Variants in CDH15 observed in about 807,000 individuals in gnomAD.
CDH15 encodes cadherin 15.
CDH15 carries 73 observed loss-of-function variants against 69.4 expected under a neutral mutation model. That is an observed-to-expected ratio of 1.05 (90% CI 0.87 to 1.28). CDH15 has a LOEUF of 1.28. Ranked by LOEUF, CDH15 falls within the 50% of genes most tolerant of loss-of-function variation. CDH15 has a pLI of 0.00. For missense variants in CDH15, 1,343 were observed against 1,133.6 expected, an observed-to-expected ratio of 1.18 and a Z score of -2.65; for synonymous variants, 624 against 507.7, an observed-to-expected ratio of 1.23 and a Z score of -3.08.
At chr16:89,185,366 A>C in intron 5 of CDH15, 33 bp downstream of exon 5, 1 of 1,568,256 alleles carries the variant, frequency 6.4e-7, no homozygotes, top group Non-Finnish European at 8.6e-7. Context: ...CCACACCCGC[A>C]CGGCCAGGGC....
rs773978015 is a variant in CDH15 at position 89,191,413 on chromosome 16, C to G, written c.1316C>G (p.Pro439Arg). 6 of 1,612,648 alleles carry G rather than the reference C, an allele frequency of 3.7e-6. No homozygotes were observed. In the East Asian group the frequency reaches 1.3e-4, roughly 36 times the overall value. The change falls in exon 9 of 14, where the codon CCG (proline) becomes CGG (arginine). Residue 439 changes from proline (P) to arginine (R), a missense_variant. Transcript: ENST00000289746. ...GRIQTQHVLS[P>R]ASPFLKGGWY... ...ATCCAGACCCAGCACGTGCTCAGCCCGGCGTCCCCCTTCCTCAAGGGCGGC... is the reference window on the plus strand; with the variant it reads ...ATCCAGACCCAGCACGTGCTCAGCCGGGCGTCCCCCTTCCTCAAGGGCGGC...
intron 3 of CDH15, chr16:89,183,051 G>A (rs371817804): frequency 1.7e-4 from 27 of 155,062 alleles, no homozygotes; most frequent in African/African-American, 3.9e-4. Context: ...GCGTGGTGAC[G>A]TGCACCTGTA....
Position 89,190,448 on chromosome 16 carries a change from C to T in CDH15, c.1184C>T (p.Ala395Val). The T allele has an allele frequency of 6.2e-7, 1 of 1,606,170 alleles. No individual in the cohort carries two copies. Among genetic ancestry groups the T allele is most frequent in the Non-Finnish European group, 8.5e-7 (1 of 1,177,398 alleles). ...GGGGCACCCCCAGGCACTCTGGTGG[C>T]CACCTTCTCTGCCCGGGACCCTGAC... ...AEGAPPGTLV[A>V]TFSARDPDTE... The change falls in exon 8 of 14, where the codon GCC (alanine) becomes GTC (valine). Residue 395 changes from alanine to valine, a missense_variant. Physicochemically the swap from Ala to Val is moderately conservative, Grantham distance 64. Coordinates refer to ENST00000289746, the MANE Select transcript of CDH15 (RefSeq NM_004933.3).
chr16:89,184,021 C>T (rs750394764), intron 4 of CDH15, among the ~76,000 whole-genome samples: 1 of 152,172 alleles, frequency 6.6e-6, no homozygotes, highest in Non-Finnish European at 1.5e-5. Context: ...GGGTCCAGAG[C>T]ACCCACAGGC....
chr16:89,180,403 G>A, intron 3 of CDH15, 48 bp downstream of exon 3: 2 of 1,584,462 alleles, frequency 1.3e-6, no homozygotes, highest in Non-Finnish European at 1.7e-6. Flanking sequence ...AGGCCTGGTG[G>A]AAAGCCAGTG....
rs895124764 is a variant in CDH15 at position 89,192,332 on chromosome 16, C to T, written c.1743C>T (p.Arg581=). 2 of 1,536,102 alleles carry T rather than the reference C, an allele frequency of 1.3e-6. No homozygotes were observed. Among genetic ancestry groups the T allele is most frequent in the Non-Finnish European group, 1.7e-6 (2 of 1,147,540 alleles). Residue 581 remains arginine (R), a synonymous_variant, in exon 11 of 14, where the codon CGC becomes CGT. Coordinates refer to ENST00000289746, the MANE Select transcript of CDH15 (RefSeq NM_004933.3). ...AGCCTCTGAACGTGACCGTGTGCCG[C>T]TGCGGCAAGGACGGCGTCTGCCTGC... ...REQPLNVTVC[R]CGKDGVCLPG... is the part of the protein sequence containing the mutation.
Position 89,188,240 on chromosome 16 carries a change from C to A in CDH15, c.933C>A (p.Ile311=), listed in dbSNP as rs139568216. The A allele has an allele frequency of 6.2e-7, 1 of 1,613,592 alleles. No homozygotes were observed. Among genetic ancestry groups the A allele is most frequent in the South Asian group, 1.1e-5 (1 of 91,056 alleles). Residue 311 remains isoleucine (I), a synonymous_variant, in exon 7 of 14, where the codon ATC becomes ATA. Coordinates refer to ENST00000289746, the MANE Select transcript of CDH15 (RefSeq NM_004933.3). ...LEGDPDGQFT[I]RTDPKTNEGV... ...GCGACCCCGATGGGCAGTTCACCAT[C>A]CGCACGGACCCCAAGACCAACGAGG...
At chr16:89,183,526 C>T (rs372350613) in intron 3 of CDH15, 22 bp from the exon 4 acceptor site, 27 of 1,613,766 alleles carry the variant, frequency 1.7e-5, no homozygotes, top group Non-Finnish European at 1.9e-5. Flanking sequence ...ACAGAGCCAG[C>T]CCTTGCTCTA....
At chr16:89,188,884 GCACACACAGATGCC>G (rs1420759540) in intron 7 of CDH15, among the ~76,000 whole-genome samples, 1 of 102,032 alleles carries the variant, frequency 9.8e-6, no homozygotes, top group East Asian at 3.5e-4. Context: ...ACAGATGCCA[GCACACACAGATGCC>G]CACACACACA....
rs772556176 is a variant in CDH15, at chr16:89,188,146, G to A, written c.839G>A (p.Arg280His). The A allele has an allele frequency of 1.4e-5, 23 of 1,613,188 alleles. 1 individual carries two copies. Among genetic ancestry groups the A allele is most frequent in the South Asian group, 1.1e-4 (10 of 90,960 alleles). The change falls in exon 7 of 14, where the codon CGC becomes CAC. Residue 280 changes from arginine to histidine, a missense_variant. Physicochemically the swap from Arg to His is conservative, Grantham distance 29 (BLOSUM62 0). Transcript: ENST00000289746. The part of the protein sequence containing the change: ...IEAVSGVDVG[R>H]LEVEDRDLPG... ...GCCGTCAGCGGAGTGGATGTGGGAC[G>A]CCTGGAAGTGGAGGACAGGGACCTG... is the stretch of plus-strand genomic sequence containing the variant.
chr16:89,194,764 C>G, intron 13 of CDH15, 98 bp from the exon 14 acceptor site: 2 of 1,252,352 alleles, frequency 1.6e-6, no homozygotes, highest in South Asian at 2.6e-5. Context: ...CCTTCCTGAG[C>G]CCGTGCCTTG....
chr16:89,186,417 C>T (rs571178273), intron 5 of CDH15, among the ~76,000 whole-genome samples: 38 of 135,360 alleles, frequency 2.8e-4, no homozygotes, highest in Admixed American at 7.1e-4. Context: ...GCTCACCCAG[C>T]GCACAGTAGG....
Position 89,195,111 on chromosome 16 carries a change from T to C in CDH15, c.2401T>C (p.Ser801Pro), listed in dbSNP as rs1347823746. ...RWDHQAREGL[S>P]PGALLPRHRG... is the part of the protein sequence containing the mutation. Reference sequence around the variant, plus strand: ...GGACCACCAGGCCAGGGAGGGTCTTTCTCCTGGGGCACTGCTACCCAGACA... The same window carrying C: ...GGACCACCAGGCCAGGGAGGGTCTTCCTCCTGGGGCACTGCTACCCAGACA... Residue 801 changes from serine to proline, a missense_variant, in exon 14 of 14, where the codon TCT becomes CCT. By Grantham distance (74) the Ser-to-Pro change is moderately conservative. Coordinates refer to ENST00000289746, the MANE Select transcript of CDH15 (RefSeq NM_004933.3). 6.2e-7 allele frequency: 1 copy of C among 1,607,330 alleles called. No individual in the cohort carries two copies. Among genetic ancestry groups the C allele is most frequent in the Non-Finnish European group, 8.5e-7 (1 of 1,176,552 alleles).
chr16:89,180,736 G>C (rs1051392854), intron 3 of CDH15, among the ~76,000 whole-genome samples: 1 of 151,890 alleles, frequency 6.6e-6, no homozygotes, highest in African/African-American at 2.4e-5. Context: ...TTTGTTTTTT[G>C]TTTTTGAGAT....
In CDH15 at chr16:89,179,702, G is replaced by A. The variant is rs887880070; in HGVS notation, c.201+128G>A. Reference sequence around the variant, plus strand: ...TCAGGACAGAGCTGAGGCAGGACTCGCCCACCTTGCCAGGGCTCTGGGCTT... The same window carrying A: ...TCAGGACAGAGCTGAGGCAGGACTCACCCACCTTGCCAGGGCTCTGGGCTT... On this transcript the variant is annotated intron_variant, in intron 2 of 13. Transcript: ENST00000289746. 87 of 942,058 alleles carry A rather than the reference G, an allele frequency of 9.2e-5. No individual in the cohort carries two copies. In the South Asian group the frequency reaches 1.4e-3, roughly 15 times the overall value. The allele number at this position is 942,058 out of a possible 1,614,324, so 58.4% of individuals were successfully genotyped here. A position where few individuals can be genotyped will look rare whatever the true frequency, so the allele number is the denominator to read the frequency against.
chr16:89,188,985 AC>A (rs1252707137), intron 7 of CDH15, among the ~76,000 whole-genome samples: 1 of 145,654 alleles, frequency 6.9e-6, no homozygotes, highest in Non-Finnish European at 1.5e-5. Context: ...ATGCCCACAC[AC>A]AGACACCCAC....
Position 89,195,351 on chromosome 16 carries a change from G to GA in CDH15, c.*198dup. The stretch of plus-strand genomic sequence containing the variant: ...AAGAGGCCCCTTCCTGCCGGGGTGG[G>GA]AAGAGTTTCTCTCCATCGGCCCCAT... On this transcript the variant is annotated 3_prime_UTR_variant, in exon 14 of 14. Coordinates refer to ENST00000289746, the MANE Select transcript of CDH15 (RefSeq NM_004933.3). The GA allele has an allele frequency of 1.6e-6, 1 of 608,670 alleles. No homozygotes were observed. The highest frequency in any genetic ancestry group is 2.8e-6 in the Non-Finnish European group (1 of 352,902). The allele number at this position is 608,670 out of a possible 1,614,324, so 37.7% of individuals were successfully genotyped here. A position where few individuals can be genotyped will look rare whatever the true frequency, so the allele number is the denominator to read the frequency against.
In CDH15 at chr16:89,193,845, C is replaced by A. The variant is rs773943777; in HGVS notation, c.2083C>A (p.Arg695Ser). 1 of 1,611,384 alleles carries A rather than the reference C, an allele frequency of 6.2e-7. No individual in the cohort carries two copies. The highest frequency in any genetic ancestry group is 1.3e-5 in the African/African-American group (1 of 74,922). ...PPLRRDAPQG[R>S]LHPQPPRVLP... ...ACTTCGCAGAGATGCCCCGCAGGGC[C>A]GCCTGCACCCCCAGCCACCCCGAGT... Residue 695 changes from arginine to serine, a missense_variant, in exon 13 of 14, where the codon CGC becomes AGC. Physicochemically the swap from Arg to Ser is moderately radical, Grantham distance 110. Transcript: ENST00000289746.
intron 1 of CDH15, among the ~76,000 whole-genome samples, chr16:89,176,022 C>A (rs1915248563): frequency 6.6e-6 from 1 of 152,168 alleles, no homozygotes; most frequent in Admixed American, 6.5e-5. Context: ...CCCAGTGCCC[C>A]ATCTCAGGGT....
Sources: allele counts gnomAD v4.1 joint callset (sites outside exome capture counted in the v4.1 genomes callset), GRCh38; gene constraint gnomAD v4.1.1; transcripts MANE v1.5; gene names NCBI Gene and HGNC (gene_info 2026-07-23, HGNC 2026-07-21).